KCNQ5: variants seen among roughly 807,000 people sequenced by gnomAD.
The protein encoded by KCNQ5 is potassium voltage-gated channel subfamily Q member 5, also known as potassium voltage-gated channel subfamily KQT member 5.
Under a neutral mutation model 98.2 loss-of-function variants are expected in KCNQ5, and 30 were observed. That is an observed-to-expected ratio of 0.31 (90% CI 0.23 to 0.41). The LOEUF (loss-of-function observed/expected upper bound fraction) is 0.41. KCNQ5 is among the 10% of genes least tolerant of loss of function. The pLI is 1.00. For synonymous variants in KCNQ5, 458 were observed against 449.4 expected (o/e 1.02, Z -0.24); for missense variants, 835 against 1,182.5 (o/e 0.71, Z 4.31).
At chr6:72,883,734 A>G (rs1479111800) in intron 1 of KCNQ5, among the ~76,000 whole-genome samples, 2 of 152,320 alleles carry the variant, frequency 1.3e-5, no homozygotes, top group East Asian at 3.9e-4. Flanking sequence ...GAAGCTCATT[A>G]CACAGCAGCC....
At chr6:73,040,394 T>A (rs1771636542) in intron 2 of KCNQ5, among the ~76,000 whole-genome samples, 1 of 152,170 alleles carries the variant, frequency 6.6e-6, no homozygotes, top group Non-Finnish European at 1.5e-5. Context: ...CAGGCACAAC[T>A]ACATGGGCAT....
intron 1 of KCNQ5, among the ~76,000 whole-genome samples, chr6:72,831,735 A>T (rs1776280548): frequency 7.6e-6 from 1 of 132,172 alleles, no homozygotes; most frequent in Non-Finnish European, 1.7e-5. Flanking sequence ...TAATTTAAAA[A>T]AAAAATAAAA....
At chr6:72,986,536 C>G (rs1368567783) in intron 1 of KCNQ5, 69 of 561,792 alleles carry the variant, frequency 1.2e-4, no homozygotes, top group Non-Finnish European at 6.4e-6. Flanking sequence ...GGGAAGGCAC[C>G]TGAGATGCCT....
chr6:72,830,407 C>T (rs553805971), intron 1 of KCNQ5, among the ~76,000 whole-genome samples: 430 of 152,222 alleles, frequency 2.8e-3, no homozygotes, highest in African/African-American at 0.01. Flanking sequence ...TGGAACAGAA[C>T]AGAGTCCTCA....
chr6:72,830,063 A>C (rs1317726778), intron 1 of KCNQ5, among the ~76,000 whole-genome samples: 1 of 152,176 alleles, frequency 6.6e-6, no homozygotes. Context: ...ACTACAAACC[A>C]CTGCTCAACA....
intron 1 of KCNQ5, among the ~76,000 whole-genome samples, chr6:72,667,573 C>G (rs1766886933): frequency 6.6e-6 from 1 of 151,844 alleles, no homozygotes; most frequent in Non-Finnish European, 1.5e-5. Flanking sequence ...GTATTTCACC[C>G]AAGATATTTA....
At chr6:72,986,606 C>A in intron 1 of KCNQ5, 1 of 666,484 alleles carries the variant, frequency 1.5e-6, no homozygotes. Context: ...GCACGTAGAA[C>A]CTGACACCAC....
At chr6:72,683,749 T>G (rs1226292544) in intron 1 of KCNQ5, among the ~76,000 whole-genome samples, 2 of 146,930 alleles carry the variant, frequency 1.4e-5, no homozygotes, top group East Asian at 4.1e-4. Flanking sequence ...TTTGTATGTT[T>G]GGTGTGGTAA....
At chr6:72,726,444 AC>A (rs1248352747) in intron 1 of KCNQ5, among the ~76,000 whole-genome samples, 1 of 151,968 alleles carries the variant, frequency 6.6e-6, no homozygotes, top group African/African-American at 2.4e-5. Context: ...CGATCTCCTG[AC>A]CTCGTGATCC....
intron 1 of KCNQ5, among the ~76,000 whole-genome samples, chr6:72,860,219 T>C (rs139284027): frequency 1.3e-3 from 194 of 152,328 alleles, no homozygotes; most frequent in African/African-American, 4.5e-3. Context: ...CCTATTTCCA[T>C]TTCTACTCTA....
intron 10 of KCNQ5, among the ~76,000 whole-genome samples, chr6:73,150,950 C>G (rs1405751759): frequency 6.6e-6 from 1 of 151,630 alleles, no homozygotes; most frequent in African/African-American, 2.4e-5. Flanking sequence ...AGGTGTGGCT[C>G]TAAAAGGACA....
intron 1 of KCNQ5, among the ~76,000 whole-genome samples, chr6:72,950,672 T>C (rs1037443471): frequency 1.3e-5 from 2 of 151,310 alleles, no homozygotes; most frequent in Non-Finnish European, 3.0e-5. Context: ...CCTTCCACAG[T>C]TGTGTGTGTG....
At chr6:72,633,352 T>C (rs1340164787) in intron 1 of KCNQ5, among the ~76,000 whole-genome samples, 1 of 152,182 alleles carries the variant, frequency 6.6e-6, no homozygotes, top group Non-Finnish European at 1.5e-5. Flanking sequence ...AGATTGTGAA[T>C]ATTTTCTCCC....
intron 1 of KCNQ5, among the ~76,000 whole-genome samples, chr6:72,662,397 A>C (rs1766575380): frequency 6.6e-6 from 1 of 152,206 alleles, no homozygotes; most frequent in African/African-American, 2.4e-5. Flanking sequence ...CTCTCTAGCC[A>C]ATCAGAAATG....
At chr6:73,124,040 CA>C (rs552837826) in intron 8 of KCNQ5, among the ~76,000 whole-genome samples, 4 of 151,176 alleles carry the variant, frequency 2.6e-5, no homozygotes, top group Admixed American at 2.6e-4. Context: ...TTATACGATA[CA>C]AAAAAAAATC....
chr6:72,910,302 C>T (rs1293022478), intron 1 of KCNQ5, among the ~76,000 whole-genome samples: 1 of 152,074 alleles, frequency 6.6e-6, no homozygotes, highest in Non-Finnish European at 1.5e-5. Context: ...TTCTTTTAAC[C>T]TTCTCATCTT....
At chr6:72,944,907 T>C (rs1378351531) in intron 1 of KCNQ5, among the ~76,000 whole-genome samples, 1 of 152,206 alleles carries the variant, frequency 6.6e-6, no homozygotes. Flanking sequence ...CATTGCTGCG[T>C]GGTGAAAGCC....
At chr6:72,924,849 C>T (rs1412021287) in intron 1 of KCNQ5, among the ~76,000 whole-genome samples, 1 of 152,168 alleles carries the variant, frequency 6.6e-6, no homozygotes, top group African/African-American at 2.4e-5. Context: ...TGAGGGACCT[C>T]TGGCTGTTCC....
chr6:72,981,170 C>T (rs1008490072), intron 1 of KCNQ5, among the ~76,000 whole-genome samples: 2 of 152,116 alleles, frequency 1.3e-5, no homozygotes, highest in Non-Finnish European at 2.9e-5. Flanking sequence ...ATGCTGGCCT[C>T]ATAAAATGAG....
Sources: allele counts gnomAD v4.1 joint callset (sites outside exome capture counted in the v4.1 genomes callset), GRCh38; gene constraint gnomAD v4.1.1; transcripts MANE v1.5; gene names NCBI Gene and HGNC (gene_info 2026-07-23, HGNC 2026-07-21).